CNOT1: variants seen among roughly 807,000 people sequenced by gnomAD.
CNOT1 encodes the protein CCR4-NOT transcription complex subunit 1, also known as CCR4-associated factor 1.
CNOT1 carries 15 observed loss-of-function variants against 273.8 expected under a neutral mutation model. The observed-to-expected ratio is 0.05, with a 90% CI of 0.04 to 0.08. CNOT1 has a LOEUF of 0.08. Among genes scored for constraint, CNOT1 ranks in the 10% least tolerant of loss-of-function variants. The pLI is 1.00. For missense variants in CNOT1, 1,644 were observed against 2,912.2 expected, an observed-to-expected ratio of 0.56 and a Z score of 10.02; for synonymous variants, 1,022 against 1,005.5, an observed-to-expected ratio of 1.02 and a Z score of -0.31.
At chr16:58,536,862 A>T in intron 39 of CNOT1, 127 bp downstream of exon 39, 1 of 1,397,074 alleles carries the variant, frequency 7.2e-7, no homozygotes. Flanking sequence ...TAATGATGAC[A>T]GTTTGGGTTT....
chr16:58,579,010 G>T, intron 12 of CNOT1, 71 bp from the exon 13 acceptor site: 7 of 1,552,742 alleles, frequency 4.5e-6, no homozygotes, highest in Non-Finnish European at 5.2e-6. Flanking sequence ...CAAAATAAGT[G>T]ATACCAGCTT....
chr16:58,604,058 C>CA (rs1346761912), intron 1 of CNOT1, among the ~76,000 whole-genome samples: 5 of 151,882 alleles, frequency 3.3e-5, no homozygotes, highest in African/African-American at 7.2e-5. Context: ...TTTACTCTAC[C>CA]AAAAAAACAC....
Position 58,530,138 on chromosome 16 carries a change from T to C in CNOT1, c.6279+108A>G, listed in dbSNP as rs930018041. The stretch of plus-strand genomic sequence containing the variant: ...TGATTTTTACACTTTTCTGAATGTA[T>C]ATCATGCCTCAAAGGCTTAATAAAA... On this transcript the variant is annotated intron_variant, in intron 43 of 48. Coordinates refer to ENST00000317147, the MANE Select transcript of CNOT1 (RefSeq NM_016284.5). 1.6e-5 allele frequency: 12 copies of C among 760,820 alleles called. No individual in the cohort carries two copies. The African/African-American group carries it at 1.8e-4, about 11-fold the overall frequency. The allele number at this position is 760,820 out of a possible 1,614,324, so 47.1% of individuals were successfully genotyped here.
At chr16:58,619,658 T>C (rs2043233887) in intron 1 of CNOT1, among the ~76,000 whole-genome samples, 1 of 152,070 alleles carries the variant, frequency 6.6e-6, no homozygotes, top group Non-Finnish European at 1.5e-5. Flanking sequence ...ACTCCTGACT[T>C]TGTGATCTGC....
chr16:58,559,113 T>C (rs2040744762), intron 17 of CNOT1, among the ~76,000 whole-genome samples: 1 of 152,220 alleles, frequency 6.6e-6, no homozygotes, highest in Admixed American at 6.5e-5. Flanking sequence ...ATTTTTTGCA[T>C]GAAACATAAT....
intron 1 of CNOT1, among the ~76,000 whole-genome samples, chr16:58,627,369 C>T (rs974617012): frequency 2.3e-5 from 3 of 131,482 alleles, no homozygotes; most frequent in Admixed American, 8.6e-5. Flanking sequence ...TGTGCTGCTG[C>T]ACTCCAGCCT....
intron 17 of CNOT1, among the ~76,000 whole-genome samples, chr16:58,559,476 C>T (rs1194075769): frequency 2.6e-5 from 4 of 151,420 alleles, no homozygotes; most frequent in Non-Finnish European, 5.9e-5. Context: ...TAAATTTAGT[C>T]GAAATTTGGG....
chr16:58,576,571 G>C lies in CNOT1; in HGVS notation c.1596C>G (p.Pro532=). The change falls in exon 14 of 49, where the codon CCC becomes CCG. Residue 532 remains proline (P), a synonymous_variant. Transcript: ENST00000317147. The stretch of plus-strand genomic sequence containing the variant: ...CATGCATGATAAGTTGGCGAATTGA[G>C]GGAGACTGTCCCTAAAAAGGGGAAG... ...HYAWHGQGQS[P]SIRQLIMHAM... is the part of the protein sequence containing the mutation. 1 of 1,614,074 alleles carries C rather than the reference G, an allele frequency of 6.2e-7. No homozygotes were observed. Among genetic ancestry groups the C allele is most frequent in the Non-Finnish European group, 8.5e-7 (1 of 1,179,998 alleles).
In CNOT1 at chr16:58,543,712, G is replaced by A; in HGVS notation, c.4329C>T (p.His1443=). 6.2e-7 allele frequency: 1 copy of A among 1,614,152 alleles called. No individual in the cohort carries two copies. The change falls in exon 31 of 49, where the codon CAC becomes CAT. Residue 1443 remains histidine, a synonymous_variant. Transcript: ENST00000317147. ...EESRMRIAAH[H]MMRNLTAGMA... is the part of the protein sequence containing the mutation. Reference sequence around the variant, plus strand: ...TTCCAGCTGTCAAGTTACGCATCATGTGATGAGCTGCTATTCGCATTCGAG... The same window carrying A: ...TTCCAGCTGTCAAGTTACGCATCATATGATGAGCTGCTATTCGCATTCGAG...
chr16:58,525,369 A>G lies in CNOT1; in HGVS notation c.6604-10T>C. 1.9e-6 allele frequency: 3 copies of G among 1,611,764 alleles called. No homozygotes were observed. Among genetic ancestry groups the G allele is most frequent in the Non-Finnish European group, 2.5e-6 (3 of 1,179,386 alleles). On this transcript the variant is annotated splice_polypyrimidine_tract_variant and intron_variant, in intron 45 of 48. Transcript: ENST00000317147. ...CAGGTTCATTGGATACCTTAAAATG[A>G]GCAAAACAGAACTCCTTATGCTTAC... is the stretch of plus-strand genomic sequence containing the variant.
Position 58,581,482 on chromosome 16 carries a change from C to A in CNOT1, c.1078G>T (p.Glu360Ter). 1 of 1,612,594 alleles carries A rather than the reference C, an allele frequency of 6.2e-7. No individual in the cohort carries two copies. The highest frequency in any genetic ancestry group is 1.1e-5 in the South Asian group (1 of 90,608). Residue 360 changes from glutamate (E) to a stop codon, truncating the protein, a stop_gained, in exon 11 of 49, where the codon GAA (glutamate) becomes TAA (stop). Transcript: ENST00000317147. LOFTEE classifies it high-confidence loss of function. Reference sequence around the variant, plus strand: ...ATTTGAAATCCAGGATGGTCCAGTTCATAAGTTACTTCCTTGAAATTCAAA... The same window carrying A: ...ATTTGAAATCCAGGATGGTCCAGTTAATAAGTTACTTCCTTGAAATTCAAA... The part of the protein sequence containing the change: ...PSLNFKEVTY[E>*]LDHPGFQIRD...
chr16:58,551,985 T>C (rs2040464852), intron 22 of CNOT1, among the ~76,000 whole-genome samples, 166 bp from the exon 23 acceptor site: 1 of 152,178 alleles, frequency 6.6e-6, no homozygotes, highest in African/African-American at 2.4e-5. Context: ...GTAGATTCCA[T>C]GAACTTCAGC....
intron 31 of CNOT1, 55 bp from the exon 32 acceptor site, chr16:58,542,623 A>C: frequency 6.3e-7 from 1 of 1,587,822 alleles, no homozygotes; most frequent in East Asian, 2.3e-5. Flanking sequence ...AAGACTTGAA[A>C]GTTGATGTGG....
Position 58,587,269 on chromosome 16 carries a change from G to A in CNOT1, c.379-14C>T, listed in dbSNP as rs376720570. ...GCCAAAAATTACCTGAAACAAGAAG[G>A]ATTAGATTAACCAAAGAGTCAAATG... On this transcript the variant is annotated splice_polypyrimidine_tract_variant and intron_variant, in intron 5 of 48. Coordinates refer to ENST00000317147, the MANE Select transcript of CNOT1 (RefSeq NM_016284.5). 1 of 1,613,680 alleles carries A rather than the reference G, an allele frequency of 6.2e-7. No individual in the cohort carries two copies. The highest frequency in any genetic ancestry group is 1.3e-5 in the African/African-American group (1 of 74,902).
chr16:58,528,170 C>G, intron 44 of CNOT1: 1 of 520,300 alleles, frequency 1.9e-6, no homozygotes, highest in South Asian at 1.6e-5. Flanking sequence ...CCATGTGGGG[C>G]ACACCCAGCA....
rs761969644 is a variant in CNOT1 at position 58,585,335 on chromosome 16, A to C, written c.806+3T>G. The stretch of plus-strand genomic sequence containing the variant: ...CAGAAGCTTAACACATTTTACTACC[A>C]ACCTTGCACAAAAGCCATAGCCTAC... On this transcript the variant is annotated splice_donor_region_variant and intron_variant, in intron 8 of 48. Coordinates refer to ENST00000317147, the MANE Select transcript of CNOT1 (RefSeq NM_016284.5). The C allele has an allele frequency of 1.9e-6, 3 of 1,613,718 alleles. No homozygotes were observed. The highest frequency in any genetic ancestry group is 1.3e-5 in the African/African-American group (1 of 75,048).
chr16:58,596,247 G>A (rs765514648), intron 2 of CNOT1, among the ~76,000 whole-genome samples: 4 of 145,990 alleles, frequency 2.7e-5, no homozygotes, highest in African/African-American at 5.3e-5. Context: ...GGGGCCAAAT[G>A]GAGGGAAGGA....
chr16:58,621,500 C>T (rs1316543584), intron 1 of CNOT1, among the ~76,000 whole-genome samples: 2 of 151,036 alleles, frequency 1.3e-5, no homozygotes, highest in Non-Finnish European at 3.0e-5. Context: ...CTCAAACTCC[C>T]GACCTCAGGT....
intron 18 of CNOT1, 38 bp from the exon 19 acceptor site, chr16:58,557,031 T>C (rs761313162): frequency 5.5e-5 from 88 of 1,601,490 alleles, no homozygotes; most frequent in Non-Finnish European, 6.2e-5. Flanking sequence ...CCTATCATTA[T>C]TCATATTCTT....
Sources: allele counts gnomAD v4.1 joint callset (sites outside exome capture counted in the v4.1 genomes callset), GRCh38; gene constraint gnomAD v4.1.1; transcripts MANE v1.5; gene names NCBI Gene and HGNC (gene_info 2026-07-23, HGNC 2026-07-21).